GLIS1: variants seen among roughly 807,000 people sequenced by gnomAD.
GLIS1 encodes zinc finger protein GLIS1.
A neutral mutation model predicts 63.8 loss-of-function variants in GLIS1; 24 were observed. The observed-to-expected ratio is 0.38, with a 90% CI of 0.27 to 0.53. The LOEUF is 0.53. GLIS1 is among the 20% of genes least tolerant of loss of function. The pLI, the probability that GLIS1 is intolerant of heterozygous loss-of-function variation, is 0.85. For missense variants in GLIS1, 1,036 were observed against 1,074.1 expected, an observed-to-expected ratio of 0.96 and a Z score of 0.50; for synonymous variants, 450 against 482.5, an observed-to-expected ratio of 0.93 and a Z score of 0.88.
intron 2 of GLIS1, among the ~76,000 whole-genome samples, chr1:53,682,472 C>T (rs564931114): frequency 6.6e-6 from 1 of 152,352 alleles, no homozygotes; most frequent in South Asian, 2.1e-4. Context: ...CTGCAGGTTA[C>T]CTCTCAATAT....
At chr1:53,564,634 G>A (rs941888175) in intron 4 of GLIS1, among the ~76,000 whole-genome samples, 1 of 151,742 alleles carries the variant, frequency 6.6e-6, no homozygotes, top group African/African-American at 2.4e-5. Flanking sequence ...TAAAACATAA[G>A]AAAAAAGTTT....
chr1:53,665,586 C>T (rs1013436747), intron 2 of GLIS1, among the ~76,000 whole-genome samples: 4 of 152,096 alleles, frequency 2.6e-5, no homozygotes, highest in Admixed American at 2.0e-4. Flanking sequence ...GTGTTCGATG[C>T]TGCAGTGAGC....
intron 2 of GLIS1, among the ~76,000 whole-genome samples, chr1:53,725,210 G>T (rs185778410): frequency 4.6e-5 from 7 of 152,140 alleles, no homozygotes; most frequent in Non-Finnish European, 1.0e-4. Flanking sequence ...CACCAGAATC[G>T]GCAACAGGTA....
intron 2 of GLIS1, among the ~76,000 whole-genome samples, chr1:53,725,533 G>A (rs1646797099): frequency 6.6e-6 from 1 of 152,204 alleles, no homozygotes; most frequent in Non-Finnish European, 1.5e-5. Context: ...ATAAGGTGCT[G>A]ATGCCGCACA....
chr1:53,611,304 A>G (rs2948051), intron 2 of GLIS1, among the ~76,000 whole-genome samples: 114,628 of 152,102 alleles, frequency 0.75, 43,343 homozygotes, highest in Middle Eastern at 0.86. Context: ...TGCCCAGACT[A>G]GTCTTGAACT....
intron 2 of GLIS1, among the ~76,000 whole-genome samples, chr1:53,691,812 C>T (rs1028301068): frequency 6.6e-6 from 1 of 152,200 alleles, no homozygotes; most frequent in Non-Finnish European, 1.5e-5. Context: ...CTCCTACCCC[C>T]ACTCCAACCC....
At chr1:53,737,343 A>C (rs1557549147) in intron 2 of GLIS1, among the ~76,000 whole-genome samples, 1 of 152,240 alleles carries the variant, frequency 6.6e-6, no homozygotes, top group East Asian at 1.9e-4. Flanking sequence ...CATCTGGTTT[A>C]ATTAATTCCT....
At position 53,611,236 on chromosome 1, in the gene GLIS1, C is replaced by T. The variant is rs559769314; in HGVS notation, c.260-10958G>A. ...AATAGCTGAGATTATAGGCAACACACGCACTATCATGCTCAGCTAATTTGT... is the reference window on the plus strand; with the variant it reads ...AATAGCTGAGATTATAGGCAACACATGCACTATCATGCTCAGCTAATTTGT... On this transcript the variant is annotated intron_variant, in intron 2 of 10. Transcript: ENST00000628545. Among the ~76,000 whole-genome samples the T allele has an allele frequency of 2.6e-4, 40 of 152,276 alleles. No individual in the cohort carries two copies. The South Asian group carries it at 5.0e-3, about 19-fold the overall frequency.
intron 5 of GLIS1, 83 bp from the exon 6 acceptor site, chr1:53,524,970 T>C (rs1426009341): frequency 9.7e-7 from 1 of 1,034,842 alleles, no homozygotes; most frequent in Non-Finnish European, 1.5e-6. Context: ...TGTGGGGAGG[T>C]GACCAGGCGA....
At position 53,506,301 on chromosome 1, in the gene GLIS1, G is replaced by T. The variant is rs926980033; in HGVS notation, c.*318C>A. The T allele has an allele frequency of 6.0e-6, 2 of 332,862 alleles. No homozygotes were observed. Among genetic ancestry groups the T allele is most frequent in the Admixed American group, 8.9e-5 (2 of 22,368 alleles). 20.6% of individuals were successfully genotyped at this position (332,862 alleles called of 1,614,324 possible). ...AAAATATAAAACTGGCAGGGGAACG[G>T]AAAACAAGTTCTGCATATTTTATAT... On this transcript the variant is annotated 3_prime_UTR_variant, in exon 11 of 11. Transcript: ENST00000628545.
chr1:53,554,320 A>G (rs868851111), intron 4 of GLIS1, among the ~76,000 whole-genome samples: 30 of 152,206 alleles, frequency 2.0e-4, no homozygotes, highest in African/African-American at 7.2e-4. Flanking sequence ...ACGAGTAGAG[A>G]CAGCCTGAAT....
intron 2 of GLIS1, among the ~76,000 whole-genome samples, chr1:53,715,912 C>T (rs930584570): frequency 5.3e-5 from 8 of 152,104 alleles, no homozygotes; most frequent in South Asian, 2.1e-4. Context: ...GGGGATTAGA[C>T]GCAGGAAGGC....
chr1:53,547,759 C>T (rs970653060), intron 4 of GLIS1, among the ~76,000 whole-genome samples: 9 of 152,348 alleles, frequency 5.9e-5, no homozygotes, highest in African/African-American at 1.9e-4. Context: ...ATTTCCCTGC[C>T]CCTCTGCTGA....
At chr1:53,672,667 T>C (rs1374021328) in intron 2 of GLIS1, among the ~76,000 whole-genome samples, 5 of 152,240 alleles carry the variant, frequency 3.3e-5, no homozygotes, top group Admixed American at 6.5e-5. Context: ...TTTTGAGGCC[T>C]TGCATTTGCA....
chr1:53,541,719 C>A (rs1025325261), intron 4 of GLIS1, among the ~76,000 whole-genome samples: 1 of 152,240 alleles, frequency 6.6e-6, no homozygotes, highest in African/African-American at 2.4e-5. Context: ...CAAACCCATC[C>A]GGTGGCCAAG....
chr1:53,607,958 CTTTT>C (rs377462740), intron 2 of GLIS1, among the ~76,000 whole-genome samples: 1 of 128,620 alleles, frequency 7.8e-6, no homozygotes. Flanking sequence ...TGATGTCTCT[CTTTT>C]TTTTTTTTTT....
At chr1:53,628,811 G>A (rs1645622625) in intron 2 of GLIS1, among the ~76,000 whole-genome samples, 1 of 152,098 alleles carries the variant, frequency 6.6e-6, no homozygotes, top group Admixed American at 6.5e-5. Context: ...ACAATATAGG[G>A]ACGGGAAACA....
intron 2 of GLIS1, among the ~76,000 whole-genome samples, chr1:53,634,760 C>T (rs549741664): frequency 1.2e-4 from 18 of 152,318 alleles, no homozygotes; most frequent in African/African-American, 4.1e-4. Flanking sequence ...CCACCTCACA[C>T]GTCCAACCCC....
intron 4 of GLIS1, among the ~76,000 whole-genome samples, chr1:53,548,177 C>T (rs911250501): frequency 1.3e-5 from 2 of 152,166 alleles, no homozygotes; most frequent in Non-Finnish European, 2.9e-5. Context: ...CTCACAGGGC[C>T]GTTCTGGCTC....
Sources: gnomAD v4.1 joint callset for allele counts (sites outside exome capture counted in the v4.1 genomes callset) on GRCh38, gnomAD v4.1.1 for gene constraint, MANE v1.5 for transcripts, NCBI Gene and HGNC (gene_info 2026-07-23, HGNC 2026-07-21) for gene names.